TPTE2: variants seen among roughly 807,000 people sequenced by gnomAD.
TPTE2 encodes transmembrane phosphoinositide 3-phosphatase and tensin homolog 2.
In TPTE2, 53 loss-of-function variants were observed where a neutral mutation model predicts 78.6. The ratio of observed to expected loss-of-function variants is 0.67; its 90% CI spans 0.54 to 0.85. TPTE2 has a LOEUF of 0.85. Among genes scored for constraint, TPTE2 ranks in the 40% least tolerant of loss-of-function variants. The pLI is 0.00. For missense variants in TPTE2, 461 were observed against 623.0 expected, an observed-to-expected ratio of 0.74 and a Z score of 2.77; for synonymous variants, 175 against 206.2, an observed-to-expected ratio of 0.85 and a Z score of 1.30.
At chr13:19,552,010 A>T in the TPTE2 span, among the ~76,000 whole-genome samples, 3 of 152,260 alleles carry the variant, frequency 2.0e-5, no homozygotes, top group African/African-American at 7.2e-5. Flanking sequence ...TTAGGAAGAG[A>T]TAACATCTCC....
rs574609178 is a variant in TPTE2 at position 19,449,205 on chromosome 13, T to G, written c.973+871A>C. Among the ~76,000 whole-genome samples, 402 of 152,200 alleles carry G rather than the reference T, an allele frequency of 2.6e-3. 2 individuals carry two copies. The highest frequency in any genetic ancestry group is 9.2e-3 in the African/African-American group (380 of 41,516). ...TGTTATTTTTTTAGATGGAGTTTTG[T>G]TCTTGTTGCTCAGGCTGGAGTACAA... is the stretch of plus-strand genomic sequence containing the variant. On this transcript the variant is annotated intron_variant, in intron 13 of 19. Transcript: ENST00000400230.
At chr13:19,538,937 G>A (rs1239686487), upstream of TPTE2, among the ~76,000 whole-genome samples, 3 of 152,336 alleles carry the variant, frequency 2.0e-5, no homozygotes, top group Non-Finnish European at 2.9e-5. Flanking sequence ...TCTTAGTTAT[G>A]GAAGCTGAGA....
chr13:19,432,673 G>C (rs1876755693), intron 15 of TPTE2, 95 bp from the exon 19 acceptor site: 3 of 679,142 alleles, frequency 4.4e-6, no homozygotes, highest in Admixed American at 6.1e-5. Flanking sequence ...CTTGTTAATG[G>C]AGGTAAGTAA....
rs35505611 is a variant in TPTE2, at chr13:19,425,574, C to T, written c.1396-557G>A. ...GATATAACCTACTTGACTCATCCCACAGACCCCCATACTCCGCAGGGACCA... is the reference window on the plus strand; with the variant it reads ...GATATAACCTACTTGACTCATCCCATAGACCCCCATACTCCGCAGGGACCA... On this transcript the variant is annotated intron_variant, in intron 18 of 19. Transcript: ENST00000400230. 702 of 196,762 alleles carry T rather than the reference C, an allele frequency of 3.6e-3. 9 individuals are homozygous for T. The highest frequency in any genetic ancestry group is 0.012 in the African/African-American group (218 of 17,844). The allele number at this position is 196,762 out of a possible 1,614,324, so 12.2% of individuals were successfully genotyped here.
chr13:19,560,983 A>G, the TPTE2 span: 1 of 1,584,134 alleles, frequency 6.3e-7, no homozygotes, highest in Middle Eastern at 1.7e-4. Flanking sequence ...AGGATGACAC[A>G]CCGCAGTGGT....
intron 4 of TPTE2, among the ~76,000 whole-genome samples, chr13:19,480,985 GA>G (rs1880313339): frequency 6.6e-6 from 1 of 152,122 alleles, no homozygotes; most frequent in Admixed American, 6.6e-5. Context: ...TCTACACCAT[GA>G]AATATTACAC....
At chr13:19,450,325 A>G (rs1239234771) in exon 12 of TPTE2, 54 of 1,610,944 alleles carry the variant, frequency 3.4e-5, no homozygotes, top group Non-Finnish European at 4.4e-5. Flanking sequence ...GGAAGTGCTT[A>G]GGATCATAAG....
At chr13:19,448,239 T>C (rs1389407868) in intron 13 of TPTE2, among the ~76,000 whole-genome samples, 1 of 152,188 alleles carries the variant, frequency 6.6e-6, no homozygotes, top group Non-Finnish European at 1.5e-5. Flanking sequence ...AAAAGATAGG[T>C]GAAAATCTTC....
intron 10 of TPTE2, among the ~76,000 whole-genome samples, chr13:19,457,175 T>A (rs1440639801): frequency 6.6e-6 from 1 of 152,160 alleles, no homozygotes; most frequent in Non-Finnish European, 1.5e-5. Flanking sequence ...TGGAGGTCAG[T>A]CATAGACCAA....
chr13:19,451,806 TAA>T (rs1878201888), intron 10 of TPTE2, among the ~76,000 whole-genome samples: 1 of 128,720 alleles, frequency 7.8e-6, no homozygotes, highest in Non-Finnish European at 1.6e-5. Flanking sequence ...TGTGTACCTA[TAA>T]GTGTGTGTGT....
chr13:19,469,018 T>C (rs1178068029), intron 6 of TPTE2, among the ~76,000 whole-genome samples: 2 of 152,220 alleles, frequency 1.3e-5, no homozygotes, highest in African/African-American at 4.8e-5. Flanking sequence ...AGCAGTTTTT[T>C]AACTTGATGT....
At chr13:19,502,686 A>G (rs1409313500) in intron 1 of TPTE2, among the ~76,000 whole-genome samples, 2 of 151,832 alleles carry the variant, frequency 1.3e-5, no homozygotes, top group Non-Finnish European at 2.9e-5. Context: ...ACTGGGAGAT[A>G]TACCTAATGC....
At chr13:19,467,298 T>C (rs570398346) in exon 7 of TPTE2, 11 of 1,586,684 alleles carry the variant, frequency 6.9e-6, no homozygotes, top group Admixed American at 1.9e-5. Context: ...ATCACAATAA[T>C]GGCAGTATCT....
intron 10 of TPTE2, among the ~76,000 whole-genome samples, chr13:19,459,563 A>G (rs1878756844): frequency 6.6e-6 from 1 of 152,206 alleles, no homozygotes; most frequent in Admixed American, 6.5e-5. Context: ...GACCACCTGT[A>G]TTCTCCAAAG....
chr13:19,470,263 T>C (rs1390541086), intron 6 of TPTE2, among the ~76,000 whole-genome samples: 1 of 152,202 alleles, frequency 6.6e-6, no homozygotes, highest in South Asian at 2.1e-4. Flanking sequence ...ATCAAATGCA[T>C]TTTTGGCATC....
intron 1 of TPTE2, among the ~76,000 whole-genome samples, chr13:19,500,330 A>G (rs1246881036): frequency 2.0e-5 from 3 of 151,286 alleles, no homozygotes; most frequent in South Asian, 2.1e-4. Flanking sequence ...TACCAAAGCC[A>G]GGCAGAGACA....
intron 6 of TPTE2, among the ~76,000 whole-genome samples, chr13:19,473,210 C>T (rs1431833192): frequency 6.6e-6 from 1 of 152,194 alleles, no homozygotes; most frequent in Non-Finnish European, 1.5e-5. Context: ...CACTCCTTAG[C>T]TATTGCAGAA....
chr13:19,477,007 T>C (rs1434436719), intron 4 of TPTE2, among the ~76,000 whole-genome samples: 2 of 152,158 alleles, frequency 1.3e-5, no homozygotes, highest in Non-Finnish European at 2.9e-5. Context: ...GTGGTACATA[T>C]ATACCATGGA....
In TPTE2 at chr13:19,459,454, C is replaced by T. The variant is rs563715737; in HGVS notation, c.741+5002G>A. Among the ~76,000 whole-genome samples, 15 of 152,280 alleles carry T rather than the reference C, an allele frequency of 9.9e-5. No individual in the cohort carries two copies. In the East Asian group the frequency reaches 1.9e-3, roughly 20 times the overall value. On this transcript the variant is annotated intron_variant, in intron 10 of 19. Transcript: ENST00000400230. ...GGAGACCCCCGTTGGGCATTCCCAC[C>T]ATCAGGAGGCATTGGATCAGGGACC...
Sources: gnomAD v4.1 joint callset for allele counts (sites outside exome capture counted in the v4.1 genomes callset) on GRCh38, gnomAD v4.1.1 for gene constraint, MANE v1.5 for transcripts, NCBI Gene and HGNC (gene_info 2026-07-23, HGNC 2026-07-21) for gene names.